Variants in EPB41L4A observed in about 807,000 individuals in gnomAD.
EPB41L4A encodes the protein band 4.1-like protein 4A.
A neutral mutation model predicts 108.6 loss-of-function variants in EPB41L4A; 100 were observed. The observed-to-expected ratio is 0.92, with a 90% confidence interval of 0.78 to 1.09. The LOEUF (loss-of-function observed/expected upper bound fraction) is 1.09. EPB41L4A is among the 50% of genes least tolerant of loss of function. The probability of loss-of-function intolerance (pLI) is 0.00; values close to 1 mark genes in which losing one functional copy is unlikely to be tolerated. For synonymous variants in EPB41L4A, 319 were observed against 289.0 expected (o/e 1.10, Z -1.05); for missense variants, 1,030 against 842.7 (o/e 1.22, Z -2.75).
chr5:112,193,106 G>A (rs1761786082), intron 17 of EPB41L4A, among the ~76,000 whole-genome samples: 2 of 152,148 alleles, frequency 1.3e-5, no homozygotes, highest in African/African-American at 4.8e-5. Flanking sequence ...TGTAATTCCA[G>A]CCTCAGAAGG....
chr5:112,152,110 C>G (rs1256251088), intron 12 of EPB41L4A, among the ~76,000 whole-genome samples: 1 of 151,804 alleles, frequency 6.6e-6, no homozygotes, highest in Non-Finnish European at 1.5e-5. Flanking sequence ...CTACATATAA[C>G]TTCCATACTA....
intron 5 of EPB41L4A, among the ~76,000 whole-genome samples, chr5:112,265,406 A>G: frequency 6.6e-6 from 1 of 152,242 alleles, no homozygotes; most frequent in East Asian, 1.9e-4. Context: ...GAAACAGTGC[A>G]TGTGATTCAA....
chr5:112,237,441 T>C (rs1291222013), intron 11 of EPB41L4A, among the ~76,000 whole-genome samples: 2 of 152,132 alleles, frequency 1.3e-5, no homozygotes, highest in African/African-American at 2.4e-5. Flanking sequence ...ACTCTTGTCT[T>C]CCTCCATCAC....
rs76854730 is a variant in EPB41L4A, at chr5:112,365,543, G to C, written c.99+53398C>G. 9.1e-3 allele frequency among the ~76,000 whole-genome samples: 1,386 copies of C among 152,232 alleles called. 13 individuals are homozygous for C. The highest frequency in any genetic ancestry group is 0.015 in the Non-Finnish European group (1,006 of 68,016). ...CGAGAAAAGTTGCAGAGATAATATA[G>C]AGTTCCTATATACCTGGCACCCAGC... On this transcript the variant is annotated intron_variant, in intron 1 of 22. Coordinates refer to ENST00000261486, the MANE Select transcript of EPB41L4A (RefSeq NM_022140.5).
chr5:112,176,369 G>C (rs1760861842), intron 18 of EPB41L4A, among the ~76,000 whole-genome samples: 1 of 152,138 alleles, frequency 6.6e-6, no homozygotes, highest in Admixed American at 6.5e-5. Context: ...ATCCTTAAGA[G>C]TTACAACATT....
intron 1 of EPB41L4A, among the ~76,000 whole-genome samples, chr5:112,412,392 A>C (rs1762463424): frequency 6.6e-6 from 1 of 152,244 alleles, no homozygotes; most frequent in African/African-American, 2.4e-5. Flanking sequence ...GTTATAGAGA[A>C]AGGGATTCAC....
At chr5:112,239,627 A>G (rs1749625436) in intron 11 of EPB41L4A, 33 bp downstream of exon 11, 1 of 1,394,272 alleles carries the variant, frequency 7.2e-7, no homozygotes, top group Admixed American at 2.2e-5. Context: ...TTATTTACAA[A>G]CACATCCCCC....
At chr5:112,233,323 G>A (rs1749092124) in intron 12 of EPB41L4A, among the ~76,000 whole-genome samples, 1 of 152,202 alleles carries the variant, frequency 6.6e-6, no homozygotes, top group Admixed American at 6.5e-5. Context: ...CTCTAACTGA[G>A]GGGAGGAAAT....
intron 15 of EPB41L4A, among the ~76,000 whole-genome samples, chr5:112,199,509 A>T (rs926436950): frequency 2.6e-5 from 4 of 152,178 alleles, no homozygotes; most frequent in Admixed American, 6.5e-5. Context: ...CTATCCACCT[A>T]AACAACCTAA....
rs367552530 is a variant in EPB41L4A at position 112,204,439 on chromosome 5, A to G, written c.1312T>C (p.Tyr438His). The change falls in exon 15 of 23, where the codon TAC becomes CAC. Residue 438 changes from tyrosine (Y) to histidine (H), a missense_variant. Transcript: ENST00000261486. Reference sequence around the variant, plus strand: ...CAGGAGGGGTTTCGGCGACGCGTGTAAGGGAACTTTGGCGACTTAGTGCGA... The same window carrying G: ...CAGGAGGGGTTTCGGCGACGCGTGTGAGGGAACTTTGGCGACTTAGTGCGA... ...SDRTKSPKFP[Y>H]TRRRNPSCGS... is the part of the protein sequence containing the mutation. 4.1e-5 allele frequency: 66 copies of G among 1,613,812 alleles called. No individual in the cohort carries two copies. Among genetic ancestry groups the G allele is most frequent in the Non-Finnish European group, 5.4e-5 (64 of 1,179,888 alleles).
At position 112,170,928 on chromosome 5, in the gene EPB41L4A, A is replaced by G; in HGVS notation, c.1670+17T>C. The G allele has an allele frequency of 6.2e-7, 1 of 1,610,254 alleles. No individual in the cohort carries two copies. The highest frequency in any genetic ancestry group is 8.5e-7 in the Non-Finnish European group (1 of 1,176,744). ...TACATGGGTTTTAAAACAATAAGAAAGAAAACTATTACTCACTGAATGTGC... is the reference window on the plus strand; with the variant it reads ...TACATGGGTTTTAAAACAATAAGAAGGAAAACTATTACTCACTGAATGTGC... On this transcript the variant is annotated intron_variant, in intron 19 of 22. Coordinates refer to ENST00000261486, the MANE Select transcript of EPB41L4A (RefSeq NM_022140.5).
At chr5:112,409,759 C>T (rs575034785) in intron 1 of EPB41L4A, among the ~76,000 whole-genome samples, 5 of 152,112 alleles carry the variant, frequency 3.3e-5, no homozygotes, top group Admixed American at 6.6e-5. Flanking sequence ...CAGCTGCTAC[C>T]ACTCACCGGG....
At chr5:112,408,326 C>T (rs1044289463) in intron 1 of EPB41L4A, among the ~76,000 whole-genome samples, 12 of 151,926 alleles carry the variant, frequency 7.9e-5, no homozygotes, top group African/African-American at 2.7e-4. Flanking sequence ...ACCAAAAGCA[C>T]AAGCAACATA....
chr5:112,201,445 C>T (rs976808042), intron 15 of EPB41L4A, among the ~76,000 whole-genome samples: 1 of 152,174 alleles, frequency 6.6e-6, no homozygotes, highest in Admixed American at 6.5e-5. Flanking sequence ...CAAACTATTT[C>T]AAGCAATTAT....
At position 112,307,387 on chromosome 5, in the gene EPB41L4A, G is replaced by T. The variant is rs200620569; in HGVS notation, c.203C>A (p.Thr68Lys). The change falls in exon 2 of 23, where the codon ACG becomes AAG. Residue 68 changes from threonine to lysine, a missense_variant and splice_region_variant. By Grantham distance (78) the Thr-to-Lys change is moderately conservative (BLOSUM62 -1). Coordinates refer to ENST00000261486, the MANE Select transcript of EPB41L4A (RefSeq NM_022140.5). ...TTAACACAAAGTCACCTTACTCACC[G>T]TCTGATGGCTTCTGTCACAGTAACG... The part of the protein sequence containing the change: ...GLRYCDRSHQ[T>K]YWLDPAKTLA... 6.2e-7 allele frequency: 1 copy of T among 1,600,332 alleles called. No individual in the cohort carries two copies. Among genetic ancestry groups the T allele is most frequent in the Non-Finnish European group, 8.6e-7 (1 of 1,168,378 alleles).
chr5:112,398,030 C>T (rs1414860405), intron 1 of EPB41L4A, among the ~76,000 whole-genome samples: 1 of 152,152 alleles, frequency 6.6e-6, no homozygotes, highest in Non-Finnish European at 1.5e-5. Flanking sequence ...CAATTGTAAG[C>T]TAAGCCACTA....
At chr5:112,341,624 A>C (rs963800935) in intron 1 of EPB41L4A, among the ~76,000 whole-genome samples, 3 of 152,158 alleles carry the variant, frequency 2.0e-5, no homozygotes, top group Non-Finnish European at 2.9e-5. Context: ...TAAAAATTAA[A>C]AGCTTGGCCA....
chr5:112,158,498 C>A (rs1404441056), downstream of EPB41L4A: 2 of 326,268 alleles, frequency 6.1e-6, no homozygotes, highest in East Asian at 9.2e-5. Flanking sequence ...TGCTGGCTGC[C>A]CCAGTCCAAG....
chr5:112,259,150 C>A (rs2150435470), intron 9 of EPB41L4A, 79 bp downstream of exon 9: 2 of 1,128,628 alleles, frequency 1.8e-6, no homozygotes, highest in Middle Eastern at 2.0e-4. Flanking sequence ...GAAAACATTT[C>A]TTCACAATGT....
Sources: allele counts gnomAD v4.1 joint callset (sites outside exome capture counted in the v4.1 genomes callset), GRCh38; gene constraint gnomAD v4.1.1; transcripts MANE v1.5; gene names NCBI Gene and HGNC (gene_info 2026-07-23, HGNC 2026-07-21).